EPS15: variants seen among roughly 807,000 people sequenced by gnomAD.
EPS15 encodes epidermal growth factor receptor pathway substrate 15, also known as epidermal growth factor receptor substrate 15.
In EPS15, 72 loss-of-function variants were observed where a neutral mutation model predicts 113.8. The observed-to-expected ratio is 0.63, with a 90% CI of 0.52 to 0.77. The LOEUF (loss-of-function observed/expected upper bound fraction) is 0.77. EPS15 is among the 30% of genes least tolerant of loss of function. EPS15 has a pLI of 0.00. For missense variants in EPS15, 1,048 were observed against 1,045.8 expected, an observed-to-expected ratio of 1.00 and a Z score of -0.03; for synonymous variants, 344 against 363.4, an observed-to-expected ratio of 0.95 and a Z score of 0.61.
At chr1:51,465,362 T>A (rs546244275) in intron 5 of EPS15, 36 bp from the exon 6 acceptor site, 1 of 1,432,944 alleles carries the variant, frequency 7.0e-7, no homozygotes, top group South Asian at 1.2e-5. Flanking sequence ...AGAGTTGAAA[T>A]TCTCACATCA....
intron 8 of EPS15, among the ~76,000 whole-genome samples, chr1:51,454,325 T>C (rs1653814333): frequency 6.6e-6 from 1 of 152,110 alleles, no homozygotes; most frequent in Non-Finnish European, 1.5e-5. Context: ...AATAGATAGA[T>C]ATGCAGACAA....
intron 13 of EPS15, among the ~76,000 whole-genome samples, chr1:51,420,177 CA>C (rs1650618803): frequency 6.6e-6 from 1 of 152,082 alleles, no homozygotes; most frequent in Non-Finnish European, 1.5e-5. Flanking sequence ...TACACCTTAC[CA>C]TTGCCACTAA....
chr1:51,371,580 T>A (rs906012656), intron 21 of EPS15, among the ~76,000 whole-genome samples: 4 of 152,124 alleles, frequency 2.6e-5, no homozygotes, highest in African/African-American at 9.7e-5. Context: ...AATATTTTTG[T>A]ACAGCTGTAT....
rs1271674004 is a variant in EPS15 at position 51,489,303 on chromosome 1, ATATGTATG to A, written c.34-7997_34-7990del. Among the ~76,000 whole-genome samples the A allele has an allele frequency of 3.9e-3, 544 of 140,056 alleles. 1 individual carries two copies. The highest frequency in any genetic ancestry group is 0.013 in the African/African-American group (483 of 36,662). 91.9% of individuals were successfully genotyped at this position (140,056 alleles called of 152,430 possible). A position where few individuals can be genotyped will look rare whatever the true frequency, so the allele number is the denominator to read the frequency against. On this transcript the variant is annotated intron_variant, in intron 1 of 24. Coordinates refer to ENST00000371733, the MANE Select transcript of EPS15 (RefSeq NM_001981.3). ...TAGTATACCATATATATATATATATATATGTATGTATGTATGTATGTATTTTTTTTTTT... is the reference window on the plus strand; with the variant it reads ...TAGTATACCATATATATATATATATATATGTATGTATGTATTTTTTTTTTT...
chr1:51,510,719 C>A (rs1024037674), intron 1 of EPS15, among the ~76,000 whole-genome samples: 3 of 152,212 alleles, frequency 2.0e-5, no homozygotes, highest in African/African-American at 7.2e-5. Context: ...TTTCAGGTTG[C>A]CTTCTCATTT....
rs537076411 is a variant in EPS15 at position 51,369,637 on chromosome 1, A to G, written c.2120-3608T>C. 5.3e-5 allele frequency among the ~76,000 whole-genome samples: 8 copies of G among 152,208 alleles called. No individual in the cohort carries two copies. The South Asian group carries it at 1.7e-3, about 32-fold the overall frequency. ...TTCTTTAACAGCCTTTATTCCTGGT[A>G]TTTTTTTCTTACATATTTGAGATCA... On this transcript the variant is annotated intron_variant, in intron 21 of 24. Coordinates refer to ENST00000371733, the MANE Select transcript of EPS15 (RefSeq NM_001981.3).
At chr1:51,403,043 T>G (rs1338615858) in intron 17 of EPS15, among the ~76,000 whole-genome samples, 1 of 152,186 alleles carries the variant, frequency 6.6e-6, no homozygotes, top group African/African-American at 2.4e-5. Flanking sequence ...ATAATTCATC[T>G]GAGGAAAACA....
chr1:51,363,285 G>A (rs903276616), intron 23 of EPS15, among the ~76,000 whole-genome samples: 1 of 135,674 alleles, frequency 7.4e-6, no homozygotes, highest in Non-Finnish European at 1.5e-5. Context: ...GCAACAGAGC[G>A]AGATTCCATC....
chr1:51,426,079 T>C (rs908847495), intron 12 of EPS15, among the ~76,000 whole-genome samples: 3 of 151,978 alleles, frequency 2.0e-5, no homozygotes, highest in Non-Finnish European at 4.4e-5. Context: ...TGGAGAAAAA[T>C]AGGTTACTAA....
rs533057043 is a variant in EPS15, at chr1:51,394,604, C to G, written c.2053-157G>C. 7.9e-5 allele frequency among the ~76,000 whole-genome samples: 12 copies of G among 152,270 alleles called. No homozygotes were observed. In the South Asian group the frequency reaches 2.5e-3, roughly 32 times the overall value. ...TTCCCCATAGTGATCTGCAATCTTA[C>G]TAACTGGAAATAATACATATTATTT... On this transcript the variant is annotated intron_variant, in intron 20 of 24. Coordinates refer to ENST00000371733, the MANE Select transcript of EPS15 (RefSeq NM_001981.3).
Position 51,356,627 on chromosome 1 carries a change from G to C in EPS15, c.*73C>G, listed in dbSNP as rs1259116068. On this transcript the variant is annotated 3_prime_UTR_variant, in exon 25 of 25. Transcript: ENST00000371733. ...TATTCCCATGCTCACAGGTAGTTTT[G>C]ATACACATTGTAAATAGTTTCAGTA... is the stretch of plus-strand genomic sequence containing the variant. 7.6e-7 allele frequency: 1 copy of C among 1,309,626 alleles called. No homozygotes were observed. Among genetic ancestry groups the C allele is most frequent in the Non-Finnish European group, 1.1e-6 (1 of 950,774 alleles). 81.1% of individuals were successfully genotyped at this position (1,309,626 alleles called of 1,614,324 possible).
intron 19 of EPS15, among the ~76,000 whole-genome samples, 168 bp from the exon 20 acceptor site, chr1:51,399,333 T>C (rs1162098433): frequency 6.6e-6 from 1 of 151,768 alleles, no homozygotes; most frequent in African/African-American, 2.4e-5. Flanking sequence ...GGCAGATCAC[T>C]TGAGGTCAGG....
At chr1:51,358,699 G>A (rs373023256) in intron 24 of EPS15, among the ~76,000 whole-genome samples, 3 of 129,320 alleles carry the variant, frequency 2.3e-5, no homozygotes, top group Non-Finnish European at 5.0e-5. Flanking sequence ...AACCAGATTT[G>A]TTTTTTTTTG....
intron 1 of EPS15, among the ~76,000 whole-genome samples, chr1:51,495,747 G>C (rs934382351): frequency 2.0e-5 from 3 of 151,948 alleles, no homozygotes; most frequent in African/African-American, 4.8e-5. Context: ...TAAAGTGGGA[G>C]AGATGGCAAG....
At chr1:51,395,203 T>C (rs1338562513) in intron 20 of EPS15, among the ~76,000 whole-genome samples, 16 of 152,204 alleles carry the variant, frequency 1.1e-4, no homozygotes. Context: ...GTAAAGATAG[T>C]ACAGAGTTCC....
chr1:51,476,219 G>A (rs1643898480), intron 2 of EPS15, among the ~76,000 whole-genome samples: 1 of 152,108 alleles, frequency 6.6e-6, no homozygotes, highest in Non-Finnish European at 1.5e-5. Context: ...CTTTAAAGTA[G>A]TTTTTTTCCA....
At chr1:51,466,720 CAATT>C (rs999240743) in intron 5 of EPS15, among the ~76,000 whole-genome samples, 9 of 151,682 alleles carry the variant, frequency 5.9e-5, no homozygotes, top group African/African-American at 1.9e-4. Context: ...TTTAACCTGA[CAATT>C]TATTTACACA....
chr1:51,465,658 G>A lies in EPS15; in HGVS notation c.310-332C>T, dbSNP rs183691122. Among the ~76,000 whole-genome samples, 30 of 151,962 alleles carry A rather than the reference G, an allele frequency of 2.0e-4. 1 individual carries two copies. The highest frequency in any genetic ancestry group is 1.8e-3 in the Admixed American group (27 of 15,262). ...AAGCGATTCTCCTGCCTCAGCCTCC[G>A]AGTAGCTGGGATTACAGGAATGCAC... On this transcript the variant is annotated intron_variant, in intron 5 of 24. Coordinates refer to ENST00000371733, the MANE Select transcript of EPS15 (RefSeq NM_001981.3).
chr1:51,510,752 A>C (rs919428228), intron 1 of EPS15, among the ~76,000 whole-genome samples: 1 of 152,250 alleles, frequency 6.6e-6, no homozygotes, highest in Non-Finnish European at 1.5e-5. Context: ...CTCAATATTT[A>C]TGCACAAGGA....
Sources: allele counts gnomAD v4.1 joint callset (sites outside exome capture counted in the v4.1 genomes callset), GRCh38; gene constraint gnomAD v4.1.1; transcripts MANE v1.5; gene names NCBI Gene and HGNC (gene_info 2026-07-23, HGNC 2026-07-21).